CRACD: variants seen among roughly 807,000 people sequenced by gnomAD.
CRACD encodes capping protein inhibiting regulator of actin dynamics.
Under a neutral mutation model 106.8 loss-of-function variants are expected in CRACD, and 56 were observed. The ratio of observed to expected loss-of-function variants is 0.52; its 90% confidence interval spans 0.42 to 0.66. The LOEUF is 0.66. Ranked by LOEUF, CRACD falls within the 30% of genes least tolerant of loss-of-function variation. CRACD has a pLI of 0.00. For synonymous variants in CRACD, 754 were observed against 670.8 expected (o/e 1.12, Z -1.92); for missense variants, 1,730 against 1,623.2 (o/e 1.07, Z -1.13).
At chr4:56,168,037 C>A (rs1453866046) in intron 1 of CRACD, among the ~76,000 whole-genome samples, 6 of 152,190 alleles carry the variant, frequency 3.9e-5, no homozygotes, top group Non-Finnish European at 8.8e-5. Context: ...TTCTTCCTTT[C>A]CAATCTGTAT....
rs1746650144 is a variant in CRACD, at chr4:56,329,199, C to T, written c.*1395C>T. On this transcript the variant is annotated 3_prime_UTR_variant, in exon 11 of 11. Coordinates refer to ENST00000682029, the MANE Select transcript of CRACD (RefSeq NM_001393381.1). ...TGAAACAGACATACTGGCAAACTCACATATTGCTGGTGCTAACCTTATATT... is the reference window on the plus strand; with the variant it reads ...TGAAACAGACATACTGGCAAACTCATATATTGCTGGTGCTAACCTTATATT... Among the ~76,000 whole-genome samples, 1 of 152,190 alleles carries T rather than the reference C, an allele frequency of 6.6e-6. No individual in the cohort carries two copies. Among genetic ancestry groups the T allele is most frequent in the Non-Finnish European group, 1.5e-5 (1 of 68,034 alleles).
rs1244860342 is a variant in CRACD at position 56,328,021 on chromosome 4, T to C, written c.*217T>C. On this transcript the variant is annotated 3_prime_UTR_variant, in exon 11 of 11. Transcript: ENST00000682029. Reference sequence around the variant, plus strand: ...TGGTGCCTCGAGCTCCTCCTAGTTCTCAAGAGAAAATTCCGTCCACAGGAC... The same window carrying C: ...TGGTGCCTCGAGCTCCTCCTAGTTCCCAAGAGAAAATTCCGTCCACAGGAC... 2.1e-5 allele frequency: 10 copies of C among 467,594 alleles called. No homozygotes were observed. The highest frequency in any genetic ancestry group is 3.8e-5 in the Non-Finnish European group (10 of 263,846). 29.0% of individuals were successfully genotyped at this position (467,594 alleles called of 1,614,324 possible).
intron 10 of CRACD, among the ~76,000 whole-genome samples, chr4:56,325,740 A>C (rs1746399998): frequency 6.6e-6 from 1 of 152,170 alleles, no homozygotes; most frequent in Non-Finnish European, 1.5e-5. Context: ...TTAATAGGGC[A>C]TCTCTTTTCC....
chr4:56,266,654 C>G (rs1344103136), intron 2 of CRACD, among the ~76,000 whole-genome samples: 1 of 152,222 alleles, frequency 6.6e-6, no homozygotes, highest in African/African-American at 2.4e-5. Context: ...TAGGCCCCAT[C>G]TGTGTACCAC....
At chr4:56,130,978 G>GT (rs1348377295) in intron 1 of CRACD, among the ~76,000 whole-genome samples, 1 of 152,172 alleles carries the variant, frequency 6.6e-6, no homozygotes, top group African/African-American at 2.4e-5. Flanking sequence ...AATGGAGGCA[G>GT]TGATGCTTGT....
intron 1 of CRACD, among the ~76,000 whole-genome samples, chr4:56,110,868 A>T (rs1338084967): frequency 1.3e-5 from 2 of 152,208 alleles, no homozygotes; most frequent in African/African-American, 4.8e-5. Context: ...AAGTGCTGGG[A>T]TTACAGGTGT....
intron 1 of CRACD, among the ~76,000 whole-genome samples, chr4:56,175,143 T>C (rs536498950): frequency 6.6e-6 from 1 of 152,260 alleles, no homozygotes; most frequent in South Asian, 2.1e-4. Context: ...AACATACAGA[T>C]ATCTGTTTGA....
At chr4:56,295,082 A>G (rs2030367) in intron 3 of CRACD, among the ~76,000 whole-genome samples, 2,255 of 152,110 alleles carry the variant, frequency 0.015, 57 homozygotes, top group African/African-American at 0.052. Flanking sequence ...AGGTAAGTAA[A>G]AAAAGTAAAA....
intron 2 of CRACD, among the ~76,000 whole-genome samples, chr4:56,208,663 A>T (rs1287359265): frequency 1.3e-5 from 2 of 152,372 alleles, no homozygotes; most frequent in African/African-American, 4.8e-5. Flanking sequence ...ATATGATTTA[A>T]CATATCAATC....
At chr4:56,254,824 G>A (rs988178174) in intron 2 of CRACD, among the ~76,000 whole-genome samples, 2 of 151,662 alleles carry the variant, frequency 1.3e-5, no homozygotes, top group African/African-American at 2.4e-5. Flanking sequence ...AAAAAGATCA[G>A]CTGGCCGCGG....
At position 56,116,256 on chromosome 4, in the gene CRACD, A is replaced by C. The variant is rs375004721; in HGVS notation, c.-335-63028A>C. On this transcript the variant is annotated intron_variant, in intron 1 of 10. Transcript: ENST00000682029. ...TTCTGGTCTCCTAATGGCATAAGGG[A>C]AAGGGAACTTTCCTGAGGAAAAAAA... Among the ~76,000 whole-genome samples the C allele has an allele frequency of 5.9e-5, 9 of 152,318 alleles. No homozygotes were observed. In the East Asian group the frequency reaches 1.7e-3, roughly 29 times the overall value.
In CRACD at chr4:56,271,548, T is replaced by C. The variant is rs183568487; in HGVS notation, c.-188-773T>C. Among the ~76,000 whole-genome samples, 514 of 152,158 alleles carry C rather than the reference T, an allele frequency of 3.4e-3. 2 individuals carry two copies. The highest frequency in any genetic ancestry group is 0.01 in the African/African-American group (433 of 41,516). The stretch of plus-strand genomic sequence containing the variant: ...CAGAATGACCCTCAAACTGGAGATA[T>C]GTATAGATAGAGATAAAAATATTAA... On this transcript the variant is annotated intron_variant, in intron 2 of 10. Transcript: ENST00000682029.
At chr4:56,271,503 G>C (rs1247481620) in intron 2 of CRACD, among the ~76,000 whole-genome samples, 1 of 151,980 alleles carries the variant, frequency 6.6e-6, no homozygotes, top group African/African-American at 2.4e-5. Flanking sequence ...GTTATCTTCT[G>C]TATCTAATAA....
chr4:56,289,007 T>C lies in CRACD; in HGVS notation c.-16-9207T>C, dbSNP rs144186008. The stretch of plus-strand genomic sequence containing the variant: ...TTTCAAAACATTATGCTAAGTGAAA[T>C]AAGCCAGGCACAAAAGGACAGATAT... On this transcript the variant is annotated intron_variant, in intron 3 of 10. Coordinates refer to ENST00000682029, the MANE Select transcript of CRACD (RefSeq NM_001393381.1). 4.1e-3 allele frequency among the ~76,000 whole-genome samples: 622 copies of C among 152,322 alleles called. 3 individuals carry two copies. Among genetic ancestry groups the C allele is most frequent in the African/African-American group, 0.013 (561 of 41,564 alleles).
rs141407957 is a variant in CRACD, at chr4:56,195,806, C to T, written c.-189+16376C>T. ...TTATCTTGTTTTATCAACCTGTTCT[C>T]TTATCCTAAGAATATGATGAGAAAT... On this transcript the variant is annotated intron_variant, in intron 2 of 10. Transcript: ENST00000682029. Among the ~76,000 whole-genome samples, 648 of 152,266 alleles carry T rather than the reference C, an allele frequency of 4.3e-3. 1 individual carries two copies. Among genetic ancestry groups the T allele is most frequent in the African/African-American group, 0.015 (612 of 41,546 alleles).
chr4:56,234,508 T>A (rs1050553220), intron 2 of CRACD, among the ~76,000 whole-genome samples: 1 of 152,248 alleles, frequency 6.6e-6, no homozygotes, highest in Non-Finnish European at 1.5e-5. Flanking sequence ...TGTTCCCACT[T>A]ATTAACAATG....
chr4:56,050,332 G>A (rs924675963), intron 1 of CRACD, among the ~76,000 whole-genome samples: 3 of 151,036 alleles, frequency 2.0e-5, no homozygotes, highest in Non-Finnish European at 4.4e-5. Flanking sequence ...GGTGGTAAGT[G>A]GTGGTGGTGG....
intron 1 of CRACD, among the ~76,000 whole-genome samples, chr4:56,074,932 A>G (rs1424604508): frequency 6.6e-6 from 1 of 152,068 alleles, no homozygotes; most frequent in Non-Finnish European, 1.5e-5. Context: ...TTTCTGCATC[A>G]ATGGAGACAA....
At chr4:56,080,459 G>A (rs553874563) in intron 1 of CRACD, among the ~76,000 whole-genome samples, 10 of 152,294 alleles carry the variant, frequency 6.6e-5, no homozygotes, top group East Asian at 1.9e-4. Context: ...GTTTTATGAC[G>A]CAAGTCCAAA....
Sources: gnomAD v4.1 joint callset for allele counts (sites outside exome capture counted in the v4.1 genomes callset) on GRCh38, gnomAD v4.1.1 for gene constraint, MANE v1.5 for transcripts, NCBI Gene and HGNC (gene_info 2026-07-23, HGNC 2026-07-21) for gene names.